Variants in SIK2 observed in about 807,000 individuals in gnomAD.
The protein encoded by SIK2 is serine/threonine-protein kinase SIK2.
Under a neutral mutation model 103.2 loss-of-function variants are expected in SIK2, and 29 were observed. The ratio of observed to expected loss-of-function variants is 0.28; its 90% CI spans 0.21 to 0.38. The LOEUF is 0.38. Ranked by LOEUF, SIK2 falls within the 10% of genes least tolerant of loss-of-function variation. SIK2 has a pLI of 1.00. For synonymous variants in SIK2, 412 were observed against 446.1 expected (o/e 0.92, Z 0.96); for missense variants, 879 against 1,171.0 (o/e 0.75, Z 3.64).
intron 3 of SIK2, among the ~76,000 whole-genome samples, chr11:111,662,256 C>A (rs1942476820): frequency 6.6e-6 from 1 of 152,162 alleles, no homozygotes; most frequent in African/African-American, 2.4e-5. Flanking sequence ...ATAATAATAG[C>A]AAATATTCAT....
chr11:111,605,487 G>A (rs1466744280), intron 1 of SIK2, among the ~76,000 whole-genome samples: 1 of 152,032 alleles, frequency 6.6e-6, no homozygotes, highest in Admixed American at 6.6e-5. Context: ...CAATGAATAT[G>A]GTATAAAAAT....
At chr11:111,657,885 T>C (rs970810760) in intron 3 of SIK2, among the ~76,000 whole-genome samples, 15 of 151,850 alleles carry the variant, frequency 9.9e-5, no homozygotes, top group Non-Finnish European at 2.1e-4. Context: ...GGAGATGTAA[T>C]AAGAACAGAG....
In SIK2 at chr11:111,725,399, A is replaced by G. The variant is rs938954456; in HGVS notation, c.*1270A>G. 4 of 152,644 alleles carry G rather than the reference A, an allele frequency of 2.6e-5. No individual in the cohort carries two copies. The highest frequency in any genetic ancestry group is 6.5e-5 in the Admixed American group (1 of 15,290). The allele number at this position is 152,644 out of a possible 1,614,324, so 9.5% of individuals were successfully genotyped here. On this transcript the variant is annotated 3_prime_UTR_variant, in exon 15 of 15. Transcript: ENST00000304987. ...ACCATTTAAGCAGATCATCTGCCAA[A>G]CATTATATTACTAATAAAACTTAAC...
chr11:111,645,275 G>A (rs1942239926), intron 3 of SIK2, among the ~76,000 whole-genome samples: 1 of 152,156 alleles, frequency 6.6e-6, no homozygotes, highest in African/African-American at 2.4e-5. Context: ...AACATTCATA[G>A]CAGTGTTATT....
intron 4 of SIK2, among the ~76,000 whole-genome samples, chr11:111,694,846 G>A (rs1298167708): frequency 6.6e-6 from 1 of 152,042 alleles, no homozygotes; most frequent in Non-Finnish European, 1.5e-5. Context: ...TTTAAGCTAA[G>A]GAAGATTATT....
intron 8 of SIK2, among the ~76,000 whole-genome samples, chr11:111,708,855 C>T (rs1943421100): frequency 6.6e-6 from 1 of 152,098 alleles, no homozygotes; most frequent in South Asian, 2.1e-4. Context: ...CCCAAAGTGT[C>T]GGGATTGCAG....
intron 3 of SIK2, among the ~76,000 whole-genome samples, chr11:111,677,126 C>A (rs143263299): frequency 1.3e-5 from 2 of 152,306 alleles, no homozygotes; most frequent in East Asian, 3.9e-4. Context: ...ATGTTTAATA[C>A]CATCCAGATG....
At chr11:111,687,668 C>T (rs1300309078) in intron 3 of SIK2, among the ~76,000 whole-genome samples, 2 of 147,098 alleles carry the variant, frequency 1.4e-5, no homozygotes, top group Admixed American at 6.8e-5. Flanking sequence ...GGCAGTGGTG[C>T]GATCTCGGCT....
Position 111,727,262 on chromosome 11 carries a change from G to T in SIK2, c.*3133G>T, listed in dbSNP as rs1260704085. On this transcript the variant is annotated 3_prime_UTR_variant, in exon 15 of 15. Transcript: ENST00000304987. ...GAGCATCAGGGCCCACCAGGGGAGT[G>T]GGGATGGGGCTCAGGGGCTGTTCAT... 2 of 595,754 alleles carry T rather than the reference G, an allele frequency of 3.4e-6. No individual in the cohort carries two copies. The highest frequency in any genetic ancestry group is 6.0e-6 in the Non-Finnish European group (2 of 334,140). The allele number at this position is 595,754 out of a possible 1,614,324, so 36.9% of individuals were successfully genotyped here.
rs1359728249 is a variant in SIK2, at chr11:111,705,135, C to G, written c.1097C>G (p.Ala366Gly). Residue 366 changes from alanine to glycine, a missense_variant, in exon 8 of 15, where the codon GCC becomes GGC. By Grantham distance (60) the Ala-to-Gly change is moderately conservative (BLOSUM62 0). This residue lies in a region of SIK2 where 222 missense variants were observed against 258.0 expected (regional missense o/e 0.86). Coordinates refer to ENST00000304987, the MANE Select transcript of SIK2 (RefSeq NM_015191.3). This position sits in a 1 kb window ranked among gnomAD's most constrained non-coding sequence, Gnocchi z 4.3. ...RPSTIAEQTVAKAQTVGLPVT... is the reference protein window; with the variant it reads ...RPSTIAEQTVGKAQTVGLPVT... ...AGCACCATTGCTGAGCAAACAGTTG[C>G]CAAGGTAATGCCCCCTTAGCTGAGA... The G allele has an allele frequency of 3.2e-6, 5 of 1,567,110 alleles. No individual in the cohort carries two copies. The East Asian group carries it at 9.3e-5, about 29-fold the overall frequency.
At chr11:111,671,690 G>A in intron 3 of SIK2, 1 of 384,250 alleles carries the variant, frequency 2.6e-6, no homozygotes, top group South Asian at 2.4e-5. Context: ...AGCAGCTCCT[G>A]GATCTCCTTC....
intron 3 of SIK2, among the ~76,000 whole-genome samples, chr11:111,646,733 G>C (rs977706880): frequency 6.6e-6 from 1 of 152,116 alleles, no homozygotes; most frequent in Middle Eastern, 3.2e-3. Flanking sequence ...AATTTTGTCT[G>C]GTTTCTTTCA....
At chr11:111,629,756 A>G in intron 3 of SIK2, among the ~76,000 whole-genome samples, 1 of 152,186 alleles carries the variant, frequency 6.6e-6, no homozygotes, top group South Asian at 2.1e-4. Context: ...GCAAATTAAA[A>G]ACCACAGGGA....
intron 3 of SIK2, among the ~76,000 whole-genome samples, chr11:111,636,167 T>A (rs1942105913): frequency 1.3e-5 from 2 of 152,174 alleles, no homozygotes. Context: ...TAAAATAAAA[T>A]GGGAAAAACC....
chr11:111,700,585 G>T (rs1417320409), intron 4 of SIK2, among the ~76,000 whole-genome samples: 3 of 152,124 alleles, frequency 2.0e-5, no homozygotes, highest in African/African-American at 4.8e-5. Context: ...TACTAGTTGG[G>T]TTGTCCACTT....
At chr11:111,634,702 C>A (rs1342186276) in intron 3 of SIK2, among the ~76,000 whole-genome samples, 1 of 152,152 alleles carries the variant, frequency 6.6e-6, no homozygotes, top group African/African-American at 2.4e-5. Flanking sequence ...TAAAATATTT[C>A]TGTGTCTTCC....
chr11:111,647,249 A>C (rs1942269365), intron 3 of SIK2, among the ~76,000 whole-genome samples: 1 of 152,216 alleles, frequency 6.6e-6, no homozygotes, highest in African/African-American at 2.4e-5. Flanking sequence ...CCTTGAAACT[A>C]AATCTTTGAA....
chr11:111,646,570 A>G (rs754877942), intron 3 of SIK2, among the ~76,000 whole-genome samples: 20 of 152,110 alleles, frequency 1.3e-4, no homozygotes, highest in Non-Finnish European at 2.2e-4. Flanking sequence ...AGTTTCCTCA[A>G]TGTCCCTTTT....
At chr11:111,672,605 A>G (rs755932145) in intron 3 of SIK2, among the ~76,000 whole-genome samples, 18 of 152,158 alleles carry the variant, frequency 1.2e-4, no homozygotes, top group Non-Finnish European at 1.9e-4. Flanking sequence ...TAGAAGAGGA[A>G]GGAAGATGGT....
Sources: allele counts gnomAD v4.1 joint callset (sites outside exome capture counted in the v4.1 genomes callset), GRCh38; gene constraint gnomAD v4.1.1; regional missense constraint gnomAD v4.1.1; non-coding constraint Gnocchi (gnomAD v3.1); transcripts MANE v1.5; gene names NCBI Gene and HGNC (gene_info 2026-07-23, HGNC 2026-07-21).